The following IFIH1 variants were observed in gnomAD, a reference collection of about 807,000 sequenced individuals.
IFIH1 encodes the protein interferon-induced helicase C domain-containing protein 1.
In IFIH1, 125 loss-of-function variants were observed where a neutral mutation model predicts 107.4. The ratio of observed to expected loss-of-function variants is 1.16; its 90% CI spans 1.01 to 1.35. The LOEUF (loss-of-function observed/expected upper bound fraction) is 1.35, where lower values mean the gene tolerates loss of function less well. Among genes scored for constraint, IFIH1 ranks in the 40% most tolerant of loss-of-function variants. The pLI, the probability that IFIH1 is intolerant of heterozygous loss-of-function variation, is 0.00. For missense variants in IFIH1, 1,333 were observed against 1,213.7 expected (o/e 1.10, Z -1.46); for synonymous variants, 458 against 413.2 (o/e 1.11, Z -1.31).
chr2:162,272,167 T>G, intron 13 of IFIH1, 59 bp downstream of exon 13: 1 of 1,393,014 alleles, frequency 7.2e-7, no homozygotes, highest in Non-Finnish European at 1.0e-6. Flanking sequence ...GAGATATCAA[T>G]GGCAACCACA....
chr2:162,307,177 T>C (rs1683298778), intron 2 of IFIH1: 1 of 197,536 alleles, frequency 5.1e-6, no homozygotes, highest in Non-Finnish European at 1.0e-5. Flanking sequence ...TTAATTTTAA[T>C]ATGGACACAA....
chr2:162,268,642 T>C (rs181758799), intron 13 of IFIH1, among the ~76,000 whole-genome samples: 35 of 152,076 alleles, frequency 2.3e-4, no homozygotes, highest in African/African-American at 7.2e-4. Context: ...CAGGCTGGAG[T>C]GTGTTGGTAC....
intron 8 of IFIH1, among the ~76,000 whole-genome samples, chr2:162,279,142 T>C (rs1374752548): frequency 6.6e-6 from 1 of 152,050 alleles, no homozygotes; most frequent in Non-Finnish European, 1.5e-5. Context: ...AATTATCAAG[T>C]AAAACCAAAT....
At chr2:162,311,655 G>A (rs1185747883) in intron 1 of IFIH1, among the ~76,000 whole-genome samples, 1 of 151,668 alleles carries the variant, frequency 6.6e-6, no homozygotes, top group African/African-American at 2.4e-5. Context: ...TGGATCTTTT[G>A]TGTAATCATT....
In IFIH1 at chr2:162,318,556, G is replaced by A; in HGVS notation, c.-249C>T. On this transcript the variant is annotated 5_prime_UTR_variant, in exon 1 of 16. Transcript: ENST00000649979. ...GCGCGCGGGGCCGCGGCAGGCAGGT[G>A]CGGCCGGCAGGCGCGGCACTTTGGA... 1 of 263,110 alleles carries A rather than the reference G, an allele frequency of 3.8e-6. No individual in the cohort carries two copies. The highest frequency in any genetic ancestry group is 1.4e-4 in the South Asian group (1 of 7,096). 16.3% of individuals were successfully genotyped at this position (263,110 alleles called of 1,614,324 possible). A position where few individuals can be genotyped will look rare whatever the true frequency, so the allele number is the denominator to read the frequency against.
Position 162,280,092 on chromosome 2 carries a change from T to C in IFIH1, c.1545A>G (p.Ala515=), listed in dbSNP as rs1682779165. The C allele has an allele frequency of 2.5e-6, 4 of 1,583,482 alleles. No individual in the cohort carries two copies. Among genetic ancestry groups the C allele is most frequent in the Non-Finnish European group, 2.6e-6 (3 of 1,153,864 alleles). ...HILKLCANLD[A]FTIKTVKENL... is the part of the protein sequence containing the mutation. Reference sequence around the variant, plus strand: ...TTTCTTTAACAGTTTTAATAGTAAATGCATCAAGATTGGCACATAGCTGGA... The same window carrying C: ...TTTCTTTAACAGTTTTAATAGTAAACGCATCAAGATTGGCACATAGCTGGA... Residue 515 remains alanine, a synonymous_variant, in exon 8 of 16, where the codon GCA becomes GCG. Transcript: ENST00000649979.
At chr2:162,295,973 C>T (rs1191457352) in intron 3 of IFIH1, among the ~76,000 whole-genome samples, 1 of 151,960 alleles carries the variant, frequency 6.6e-6, no homozygotes, top group East Asian at 1.9e-4. Flanking sequence ...TTTTCATTTG[C>T]TGTTTTAAAT....
At chr2:162,273,670 A>C in intron 12 of IFIH1, 125 bp downstream of exon 12, 1 of 725,104 alleles carries the variant, frequency 1.4e-6, no homozygotes, top group East Asian at 2.8e-5. Context: ...ATGCTCTTTT[A>C]ACAGGAAAAA....
At chr2:162,300,825 T>C (rs1683179992) in intron 3 of IFIH1, among the ~76,000 whole-genome samples, 1 of 152,192 alleles carries the variant, frequency 6.6e-6, no homozygotes, top group Non-Finnish European at 1.5e-5. Flanking sequence ...GTTTTATTTC[T>C]AGAGATTCTA....
At position 162,278,197 on chromosome 2, in the gene IFIH1, T is replaced by G; in HGVS notation, c.1765+8A>C. 1 of 1,601,704 alleles carries G rather than the reference T, an allele frequency of 6.2e-7. No individual in the cohort carries two copies. The highest frequency in any genetic ancestry group is 8.5e-7 in the Non-Finnish European group (1 of 1,176,242). On this transcript the variant is annotated splice_region_variant and intron_variant, in intron 9 of 15. Coordinates refer to ENST00000649979, the MANE Select transcript of IFIH1 (RefSeq NM_022168.4). Reference sequence around the variant, plus strand: ...ATAAACTAAGTGTTAGGTCCAAACCTAAATTACCTTTTTTTTCCATTTGAA... The same window carrying G: ...ATAAACTAAGTGTTAGGTCCAAACCGAAATTACCTTTTTTTTCCATTTGAA...
rs555120444 is a variant in IFIH1, at chr2:162,298,487, T to C, written c.770-4819A>G. 1.5e-3 allele frequency among the ~76,000 whole-genome samples: 226 copies of C among 152,214 alleles called. 2 individuals are homozygous for C. The highest frequency in any genetic ancestry group is 5.2e-3 in the African/African-American group (217 of 41,526). On this transcript the variant is annotated intron_variant, in intron 3 of 15. Transcript: ENST00000649979. Reference sequence around the variant, plus strand: ...TTCACTTTTCATGGTAATTTCATGTTTATTCTAGTTCTGACCTTGTGATGC... The same window carrying C: ...TTCACTTTTCATGGTAATTTCATGTCTATTCTAGTTCTGACCTTGTGATGC...
Position 162,280,473 on chromosome 2 carries a change from G to A in IFIH1, c.1525-361C>T, listed in dbSNP as rs536726554. 6.6e-5 allele frequency among the ~76,000 whole-genome samples: 10 copies of A among 152,092 alleles called. 1 individual carries two copies. The South Asian group carries it at 2.1e-3, about 32-fold the overall frequency. On this transcript the variant is annotated intron_variant, in intron 7 of 15. Transcript: ENST00000649979. ...GTATAACAATTTACCATCATTGACA[G>A]AGAATGATTTTGAGATAACCATGTT...
intron 3 of IFIH1, among the ~76,000 whole-genome samples, chr2:162,298,260 C>T (rs529003852): frequency 6.6e-6 from 1 of 152,194 alleles, no homozygotes; most frequent in East Asian, 1.9e-4. Context: ...TATTTTTGGC[C>T]TAGAGGCATT....
intron 3 of IFIH1, among the ~76,000 whole-genome samples, chr2:162,297,485 T>C (rs57983132): frequency 0.13 from 19,228 of 152,024 alleles, 2,827 homozygotes; most frequent in African/African-American, 0.33. Context: ...TTTTAAAAAA[T>C]ATATAGAGAG....
intron 3 of IFIH1, among the ~76,000 whole-genome samples, chr2:162,298,279 C>T (rs769385200): frequency 6.6e-6 from 1 of 152,114 alleles, no homozygotes; most frequent in Non-Finnish European, 1.5e-5. Context: ...TTTATCACCC[C>T]ACAGAATATC....
At chr2:162,315,136 T>A (rs1683465656) in intron 1 of IFIH1, among the ~76,000 whole-genome samples, 1 of 152,232 alleles carries the variant, frequency 6.6e-6, no homozygotes, top group Non-Finnish European at 1.5e-5. Context: ...TTTATAGAAG[T>A]CTTGATTACT....
chr2:162,304,211 G>C (rs936234702), intron 3 of IFIH1, among the ~76,000 whole-genome samples: 1 of 152,186 alleles, frequency 6.6e-6, no homozygotes, highest in Non-Finnish European at 1.5e-5. Flanking sequence ...TATAATCCCA[G>C]CACTTTGGGA....
intron 4 of IFIH1, among the ~76,000 whole-genome samples, chr2:162,290,855 T>A (rs1682984971): frequency 6.6e-6 from 1 of 151,882 alleles, no homozygotes; most frequent in Non-Finnish European, 1.5e-5. Context: ...GCCTGATTCT[T>A]GCCTTATCAC....
At chr2:162,302,962 C>T (rs1683217408) in intron 3 of IFIH1, among the ~76,000 whole-genome samples, 2 of 152,180 alleles carry the variant, frequency 1.3e-5, no homozygotes, top group African/African-American at 4.8e-5. Context: ...GATTACTGTG[C>T]AGTTTACTGT....
Sources: allele counts gnomAD v4.1 joint callset (sites outside exome capture counted in the v4.1 genomes callset), GRCh38; gene constraint gnomAD v4.1.1; transcripts MANE v1.5; gene names NCBI Gene and HGNC (gene_info 2026-07-23, HGNC 2026-07-21).